Variants in KCTD16 observed in about 807,000 individuals in gnomAD.
KCTD16 encodes BTB/POZ domain-containing protein KCTD16.
Under a neutral mutation model 33.2 loss-of-function variants are expected in KCTD16, and 13 were observed. The ratio of observed to expected loss-of-function variants is 0.39; its 90% confidence interval spans 0.25 to 0.62. KCTD16 has a LOEUF of 0.62. Among genes scored for constraint, KCTD16 ranks in the 20% least tolerant of loss-of-function variants. KCTD16 has a pLI of 0.50. For synonymous variants in KCTD16, 197 were observed against 195.3 expected (o/e 1.01, Z -0.07); for missense variants, 441 against 525.1 (o/e 0.84, Z 1.57).
chr5:144,451,669 A>T (rs1393810996), intron 3 of KCTD16, among the ~76,000 whole-genome samples: 1 of 152,136 alleles, frequency 6.6e-6, no homozygotes, highest in East Asian at 1.9e-4. Context: ...TATTTTCATG[A>T]CCACCTCTGA....
intron 3 of KCTD16, among the ~76,000 whole-genome samples, chr5:144,261,314 T>A (rs975729375): frequency 6.6e-6 from 1 of 152,148 alleles, no homozygotes; most frequent in African/African-American, 2.4e-5. Context: ...TAGTATCTTA[T>A]AAATTTATTT....
chr5:144,278,965 T>A (rs561081501), intron 3 of KCTD16, among the ~76,000 whole-genome samples: 1 of 152,250 alleles, frequency 6.6e-6, no homozygotes, highest in Non-Finnish European at 1.5e-5. Context: ...ATCCCTCTAC[T>A]TAAGTTCTTC....
intron 3 of KCTD16, among the ~76,000 whole-genome samples, chr5:144,372,240 T>G (rs1751985027): frequency 6.6e-6 from 1 of 151,778 alleles, no homozygotes; most frequent in Non-Finnish European, 1.5e-5. Context: ...TGAATAACAG[T>G]GGTACCCATC....
chr5:144,398,354 C>T (rs1752625929), intron 3 of KCTD16, among the ~76,000 whole-genome samples: 1 of 152,104 alleles, frequency 6.6e-6, no homozygotes, highest in Non-Finnish European at 1.5e-5. Flanking sequence ...TTATTATACA[C>T]ACATACTAAC....
intron 3 of KCTD16, among the ~76,000 whole-genome samples, chr5:144,287,097 G>A (rs1444089379): frequency 2.6e-5 from 4 of 152,312 alleles, no homozygotes; most frequent in Non-Finnish European, 4.4e-5. Context: ...TGGAAGGTCC[G>A]TCTGGCCATG....
intron 3 of KCTD16, chr5:144,369,389 C>T (rs1470008945): frequency 6.6e-6 from 1 of 152,208 alleles, no homozygotes; most frequent in Non-Finnish European, 1.5e-5. Flanking sequence ...AGATGGCAGC[C>T]AGCGGTGGAG....
At chr5:144,287,690 A>C (rs1755783121) in intron 3 of KCTD16, among the ~76,000 whole-genome samples, 1 of 152,116 alleles carries the variant, frequency 6.6e-6, no homozygotes, top group Non-Finnish European at 1.5e-5. Flanking sequence ...AGGCTGGAGT[A>C]CAGTGGCGTA....
intron 3 of KCTD16, among the ~76,000 whole-genome samples, chr5:144,249,274 C>T (rs1203537102): frequency 6.6e-6 from 1 of 152,028 alleles, no homozygotes; most frequent in African/African-American, 2.4e-5. Flanking sequence ...TTTTCTGCGT[C>T]AGAGGCTCCT....
At chr5:144,328,491 G>A (rs532569343) in intron 3 of KCTD16, among the ~76,000 whole-genome samples, 25 of 152,160 alleles carry the variant, frequency 1.6e-4, no homozygotes, top group Middle Eastern at 3.4e-3. Flanking sequence ...GGACCAGGAA[G>A]CGAATATCCT....
intron 3 of KCTD16, among the ~76,000 whole-genome samples, chr5:144,404,721 A>G (rs1248420525): frequency 1.3e-5 from 2 of 152,158 alleles, no homozygotes; most frequent in South Asian, 2.1e-4. Flanking sequence ...GGAGTGTTCT[A>G]TTATGGATCT....
chr5:144,189,602 C>G (rs896671699), intron 2 of KCTD16, among the ~76,000 whole-genome samples: 2 of 152,058 alleles, frequency 1.3e-5, no homozygotes, highest in Non-Finnish European at 2.9e-5. Context: ...GTTTGCAGAC[C>G]TAGGTTAAGA....
intron 3 of KCTD16, among the ~76,000 whole-genome samples, chr5:144,420,659 C>G (rs1753189385): frequency 6.6e-6 from 1 of 152,006 alleles, no homozygotes. Flanking sequence ...TTTTAATTTT[C>G]ATTTTGGGTA....
chr5:144,350,938 T>G (rs1751413027), intron 3 of KCTD16, among the ~76,000 whole-genome samples: 2 of 152,102 alleles, frequency 1.3e-5, no homozygotes, highest in Non-Finnish European at 2.9e-5. Flanking sequence ...TGAATTCCAT[T>G]AACCCCAAAT....
intron 3 of KCTD16, among the ~76,000 whole-genome samples, chr5:144,446,304 G>A (rs1326232534): frequency 1.3e-5 from 2 of 151,988 alleles, no homozygotes; most frequent in East Asian, 1.9e-4. Flanking sequence ...AAGCAATGGG[G>A]AAAGGATTCC....
intron 3 of KCTD16, among the ~76,000 whole-genome samples, chr5:144,238,056 T>G (rs570692973): frequency 6.6e-6 from 1 of 152,266 alleles, no homozygotes; most frequent in South Asian, 2.1e-4. Context: ...GCCATCACTG[T>G]GGAGAACAAA....
intron 3 of KCTD16, among the ~76,000 whole-genome samples, chr5:144,255,958 G>A (rs1032584008): frequency 2.6e-5 from 4 of 152,180 alleles, no homozygotes; most frequent in African/African-American, 9.7e-5. Context: ...AATTCTAGAA[G>A]CAGTGTCCTG....
At position 144,299,686 on chromosome 5, in the gene KCTD16, G is replaced by A. The variant is rs1052283379; in HGVS notation, c.832+92140G>A. Among the ~76,000 whole-genome samples, 7 of 151,940 alleles carry A rather than the reference G, an allele frequency of 4.6e-5. No homozygotes were observed. The South Asian group carries it at 1.2e-3, about 27-fold the overall frequency. ...TTCATTTTATTGTTTTGGTAAGGTA[G>A]GGCATTATGTAACTTAATGAAAGCA... is the stretch of plus-strand genomic sequence containing the variant. On this transcript the variant is annotated intron_variant, in intron 3 of 3. Coordinates refer to ENST00000512467, the MANE Select transcript of KCTD16 (RefSeq NM_020768.4).
At chr5:144,176,857 A>G (rs1364852160) in intron 2 of KCTD16, among the ~76,000 whole-genome samples, 2 of 152,186 alleles carry the variant, frequency 1.3e-5, no homozygotes, top group Non-Finnish European at 2.9e-5. Context: ...TCCTGACCAT[A>G]TCTGTTGTCC....
intron 2 of KCTD16, among the ~76,000 whole-genome samples, chr5:144,180,877 G>A (rs1752607590): frequency 6.6e-6 from 1 of 151,990 alleles, no homozygotes; most frequent in African/African-American, 2.4e-5. Flanking sequence ...TAGAAAACGT[G>A]TCTCTAAAGC....
Sources: allele counts gnomAD v4.1 joint callset (sites outside exome capture counted in the v4.1 genomes callset), GRCh38; gene constraint gnomAD v4.1.1; transcripts MANE v1.5; gene names NCBI Gene and HGNC (gene_info 2026-07-23, HGNC 2026-07-21).